Variants in AGAP1 observed in about 807,000 individuals in gnomAD.
The protein encoded by AGAP1 is ArfGAP with GTPase domain, ankyrin repeat and PH domain 1.
AGAP1 carries 29 observed loss-of-function variants against 105.3 expected under a neutral mutation model. The ratio of observed to expected loss-of-function variants is 0.28; its 90% confidence interval spans 0.21 to 0.38. The LOEUF is 0.38. Among genes scored for constraint, AGAP1 ranks in the 10% least tolerant of loss-of-function variants. AGAP1 has a pLI of 1.00. For synonymous variants in AGAP1, 509 were observed against 485.9 expected (o/e 1.05, Z -0.63); for missense variants, 998 against 1,165.1 (o/e 0.86, Z 2.09).
rs1481501085 is a variant in AGAP1, at chr2:235,891,472, TCC to T, written c.1155+8025_1155+8026del. Reference sequence around the variant, plus strand: ...GCAGCCTGTTCTAAGACCCTGAGAGTCCCTTTCTGTGGACTTAAATGTGAGCC... The same window carrying T: ...GCAGCCTGTTCTAAGACCCTGAGAGTCTTTCTGTGGACTTAAATGTGAGCC... On this transcript the variant is annotated intron_variant, in intron 10 of 17. Transcript: ENST00000304032. This position sits in a 1 kb window ranked among gnomAD's most constrained non-coding sequence, Gnocchi z 4.2. 2.0e-5 allele frequency among the ~76,000 whole-genome samples: 3 copies of T among 151,876 alleles called. No individual in the cohort carries two copies. Among genetic ancestry groups the T allele is most frequent in the African/African-American group, 7.3e-5 (3 of 41,318 alleles).
chr2:235,607,152 GA>G (rs1037789774), intron 1 of AGAP1, among the ~76,000 whole-genome samples: 1 of 151,184 alleles, frequency 6.6e-6, no homozygotes, highest in African/African-American at 2.5e-5. Context: ...GCAGAAGTGG[GA>G]CCACGGTGAG....
In AGAP1 at chr2:235,736,321, G is replaced by A. The variant is rs1952250500; in HGVS notation, c.311-4642G>A. The stretch of plus-strand genomic sequence containing the variant: ...TGTCTGACAGGGACATCAGGTTTGG[G>A]GAGACTGAAAACCATTTTTGAAAAT... On this transcript the variant is annotated intron_variant, in intron 3 of 17. Coordinates refer to ENST00000304032, the MANE Select transcript of AGAP1 (RefSeq NM_001037131.3). This position sits in a 1 kb window ranked among gnomAD's most constrained non-coding sequence, Gnocchi z 5.5. 6.6e-6 allele frequency among the ~76,000 whole-genome samples: 1 copy of A among 151,972 alleles called. No homozygotes were observed. The highest frequency in any genetic ancestry group is 1.5e-5 in the Non-Finnish European group (1 of 68,014).
chr2:235,510,252 C>T (rs13002671), intron 1 of AGAP1, among the ~76,000 whole-genome samples: 19,445 of 152,218 alleles, frequency 0.13, 1,496 homozygotes, highest in East Asian at 0.3. Context: ...AAATTGTCTT[C>T]CACGAAACCG....
At position 236,105,366 on chromosome 2, in the gene AGAP1, G is replaced by A. The variant is rs970464123; in HGVS notation, c.2115-14826G>A. On this transcript the variant is annotated intron_variant, in intron 16 of 17. Transcript: ENST00000304032. This position sits in a 1 kb window ranked among gnomAD's most constrained non-coding sequence, Gnocchi z 4.2. ...ACAGAGAGGAAGACAAAGGCTCTGT[G>A]AGCTGTGCCTGCTGTAACAAAATAC... is the stretch of plus-strand genomic sequence containing the variant. Among the ~76,000 whole-genome samples, 1 of 152,082 alleles carries A rather than the reference G, an allele frequency of 6.6e-6. No individual in the cohort carries two copies. The highest frequency in any genetic ancestry group is 2.4e-5 in the African/African-American group (1 of 41,422).
intron 8 of AGAP1, among the ~76,000 whole-genome samples, chr2:235,800,337 G>A (rs1043706475): frequency 6.6e-6 from 1 of 151,448 alleles, no homozygotes; most frequent in Non-Finnish European, 1.5e-5. Flanking sequence ...CTGGGCTCAA[G>A]CCACCCTCCC....
chr2:236,092,755 A>G lies in AGAP1; in HGVS notation c.2115-27437A>G, dbSNP rs2059096651. Among the ~76,000 whole-genome samples the G allele has an allele frequency of 6.6e-6, 1 of 152,266 alleles. No homozygotes were observed. Among genetic ancestry groups the G allele is most frequent in the Admixed American group, 6.5e-5 (1 of 15,286 alleles). ...TTCAAAAAAGCTTACTAAAAAGTTT[A>G]AAACAATCAAGCAAAATAAAAGGTG... On this transcript the variant is annotated intron_variant, in intron 16 of 17. Coordinates refer to ENST00000304032, the MANE Select transcript of AGAP1 (RefSeq NM_001037131.3). This position sits in a 1 kb window ranked among gnomAD's most constrained non-coding sequence, Gnocchi z 4.7.
At position 236,121,152 on chromosome 2, in the gene AGAP1, G is replaced by A. The variant is rs1576352540; in HGVS notation, c.2370+705G>A. On this transcript the variant is annotated intron_variant, in intron 17 of 17. Coordinates refer to ENST00000304032, the MANE Select transcript of AGAP1 (RefSeq NM_001037131.3). The surrounding 1 kb of genome is among the most constrained non-coding windows in gnomAD (Gnocchi z 4.9). ...AGGGAAGGCAAGTGTGTGCCCAGAAGTGGAGACAGCACCCAGAGGTGGGAC... is the reference window on the plus strand; with the variant it reads ...AGGGAAGGCAAGTGTGTGCCCAGAAATGGAGACAGCACCCAGAGGTGGGAC... Among the ~76,000 whole-genome samples, 1 of 152,246 alleles carries A rather than the reference G, an allele frequency of 6.6e-6. No individual in the cohort carries two copies. Among genetic ancestry groups the A allele is most frequent in the South Asian group, 2.1e-4 (1 of 4,830 alleles).
At chr2:235,899,714 A>G (rs1191869699) in intron 10 of AGAP1, among the ~76,000 whole-genome samples, 1 of 152,164 alleles carries the variant, frequency 6.6e-6, no homozygotes, top group African/African-American at 2.4e-5. Flanking sequence ...CAGCAAAGGA[A>G]TTGTGTTGGC....
intron 1 of AGAP1, among the ~76,000 whole-genome samples, chr2:235,546,789 G>A (rs1230206009): frequency 6.6e-6 from 1 of 152,166 alleles, no homozygotes; most frequent in Non-Finnish European, 1.5e-5. Flanking sequence ...CTCTTTCTTG[G>A]CTAGCAAGTT....
rs1345280373 is a variant in AGAP1 at position 235,655,245 on chromosome 2, G to A, written c.164-53934G>A. ...TAGACAGGTCGTTGTCTCCATTTTT[G>A]TTCTTTAAAGCACTTTATTCCATTG... On this transcript the variant is annotated intron_variant, in intron 1 of 17. Transcript: ENST00000304032. The surrounding 1 kb of genome is among the most constrained non-coding windows in gnomAD (Gnocchi z 4.3). Among the ~76,000 whole-genome samples the A allele has an allele frequency of 2.6e-5, 4 of 152,086 alleles. No homozygotes were observed. Among genetic ancestry groups the A allele is most frequent in the South Asian group, 2.1e-4 (1 of 4,824 alleles).
intron 6 of AGAP1, among the ~76,000 whole-genome samples, chr2:235,779,458 C>T (rs1345085712): frequency 3.3e-5 from 5 of 152,252 alleles, no homozygotes. Flanking sequence ...CCACTTACCC[C>T]TCCAGGCTCT....
At chr2:235,759,482 A>G (rs1350323095) in intron 6 of AGAP1, among the ~76,000 whole-genome samples, 2 of 152,142 alleles carry the variant, frequency 1.3e-5, no homozygotes, top group African/African-American at 4.8e-5. Context: ...GCAGCTTCAC[A>G]TGTAGGGCCA....
At position 235,600,770 on chromosome 2, in the gene AGAP1, G is replaced by C. The variant is rs1172254643; in HGVS notation, c.163+105921G>C. 1.3e-5 allele frequency among the ~76,000 whole-genome samples: 2 copies of C among 152,092 alleles called. No individual in the cohort carries two copies. Among genetic ancestry groups the C allele is most frequent in the East Asian group, 3.9e-4 (2 of 5,178 alleles). On this transcript the variant is annotated intron_variant, in intron 1 of 17. Coordinates refer to ENST00000304032, the MANE Select transcript of AGAP1 (RefSeq NM_001037131.3). The surrounding 1 kb of genome is among the most constrained non-coding windows in gnomAD (Gnocchi z 4.8). ...TTAAATGATGCCCACCCAGATTGAGGGTGGGTCTGCCTTCCCCAGCCCGTT... is the reference window on the plus strand; with the variant it reads ...TTAAATGATGCCCACCCAGATTGAGCGTGGGTCTGCCTTCCCCAGCCCGTT...
At chr2:235,572,700 A>G (rs1011741564) in intron 1 of AGAP1, among the ~76,000 whole-genome samples, 2 of 152,134 alleles carry the variant, frequency 1.3e-5, no homozygotes, top group Non-Finnish European at 2.9e-5. Flanking sequence ...TCACCCCTCC[A>G]TTTGGAATGC....
At chr2:235,703,559 T>G (rs963040627) in intron 1 of AGAP1, among the ~76,000 whole-genome samples, 1 of 34,926 alleles carries the variant, frequency 2.9e-5, no homozygotes, top group Admixed American at 2.5e-4. Flanking sequence ...CCCCTCCCCC[T>G]CCTTCCCCTC....
chr2:235,663,889 G>C lies in AGAP1; in HGVS notation c.164-45290G>C, dbSNP rs1292353117. 1.3e-5 allele frequency among the ~76,000 whole-genome samples: 2 copies of C among 152,178 alleles called. No homozygotes were observed. The highest frequency in any genetic ancestry group is 4.8e-5 in the African/African-American group (2 of 41,456). On this transcript the variant is annotated intron_variant, in intron 1 of 17. Transcript: ENST00000304032. The surrounding 1 kb of genome is among the most constrained non-coding windows in gnomAD (Gnocchi z 5.4). ...TGTTACCAAATAGGCCTGTTCCCCT[G>C]TGCACCCAATACTAGGAAGATTAGA...
At chr2:235,672,261 T>A (rs1192966026) in intron 1 of AGAP1, among the ~76,000 whole-genome samples, 1 of 152,114 alleles carries the variant, frequency 6.6e-6, no homozygotes, top group African/African-American at 2.4e-5. Context: ...ATGACTGTCC[T>A]TATGGAAATA....
Position 235,599,012 on chromosome 2 carries a change from G to C in AGAP1, c.163+104163G>C, listed in dbSNP as rs528756457. Among the ~76,000 whole-genome samples, 1 of 152,286 alleles carries C rather than the reference G, an allele frequency of 6.6e-6. No individual in the cohort carries two copies. The highest frequency in any genetic ancestry group is 1.5e-5 in the Non-Finnish European group (1 of 68,024). ...TCCTCTTGTTGACATTTGCGTCTGTGGTGGTGTACACAGATGAGCTCACTG... is the reference window on the plus strand; with the variant it reads ...TCCTCTTGTTGACATTTGCGTCTGTCGTGGTGTACACAGATGAGCTCACTG... On this transcript the variant is annotated intron_variant, in intron 1 of 17. Coordinates refer to ENST00000304032, the MANE Select transcript of AGAP1 (RefSeq NM_001037131.3). The surrounding 1 kb of genome is among the most constrained non-coding windows in gnomAD (Gnocchi z 5.3).
chr2:235,909,450 T>G lies in AGAP1; in HGVS notation c.1324+544T>G, dbSNP rs768800806. 1.9e-4 allele frequency among the ~76,000 whole-genome samples: 29 copies of G among 152,254 alleles called. 1 individual carries two copies. The highest frequency in any genetic ancestry group is 4.1e-4 in the Non-Finnish European group (28 of 68,038). On this transcript the variant is annotated intron_variant, in intron 11 of 17. Coordinates refer to ENST00000304032, the MANE Select transcript of AGAP1 (RefSeq NM_001037131.3). ...AGAGAAAGCTGTATTTTCTCAAATGTTGATGTGTTTAGAAATTCCTGGCCT... is the reference window on the plus strand; with the variant it reads ...AGAGAAAGCTGTATTTTCTCAAATGGTGATGTGTTTAGAAATTCCTGGCCT...
Sources: allele counts gnomAD v4.1 joint callset (sites outside exome capture counted in the v4.1 genomes callset), GRCh38; gene constraint gnomAD v4.1.1; non-coding constraint Gnocchi (gnomAD v3.1); transcripts MANE v1.5; gene names NCBI Gene and HGNC (gene_info 2026-07-23, HGNC 2026-07-21).